PCDHGB6: variants seen among roughly 807,000 people sequenced by gnomAD.
PCDHGB6 encodes protocadherin gamma-B6.
A neutral mutation model predicts 59.1 loss-of-function variants in PCDHGB6; 51 were observed. The ratio of observed to expected loss-of-function variants is 0.86; its 90% CI spans 0.69 to 1.09. The LOEUF is 1.09. PCDHGB6 is among the 50% of genes least tolerant of loss of function. PCDHGB6 has a pLI of 0.00. For synonymous variants in PCDHGB6, 466 were observed against 495.1 expected, an observed-to-expected ratio of 0.94 and a Z score of 0.78; for missense variants, 1,148 against 1,205.1, an observed-to-expected ratio of 0.95 and a Z score of 0.70.
intron 1 of PCDHGB6, among the ~76,000 whole-genome samples, chr5:141,460,758 C>T (rs1292050905): frequency 6.6e-6 from 1 of 150,582 alleles, no homozygotes; most frequent in African/African-American, 2.4e-5. Context: ...TGTACATATA[C>T]ATATTGCATA....
chr5:141,420,477 A>T (rs1469261817), intron 1 of PCDHGB6: 3 of 626,262 alleles, frequency 4.8e-6, no homozygotes, highest in Non-Finnish European at 7.0e-6. Flanking sequence ...TTTAAAGCAA[A>T]CTACATGGGT....
chr5:141,419,746 G>A (rs1561783927), intron 1 of PCDHGB6: 2 of 1,613,896 alleles, frequency 1.2e-6, no homozygotes, highest in Admixed American at 1.7e-5. Context: ...TGCGCATGGT[G>A]CGTGCTTTGG....
chr5:141,410,266 G>A lies in PCDHGB6; in HGVS notation c.2064G>A (p.Leu688=). 1 of 1,614,036 alleles carries A rather than the reference G, an allele frequency of 6.2e-7. No homozygotes were observed. The highest frequency in any genetic ancestry group is 1.1e-5 in the South Asian group (1 of 91,088). ...RPVLSDPQAE[L]QFYLVVALAL... is the part of the protein sequence containing the mutation. ...TACTCTCTGACCCCCAGGCTGAACT[G>A]CAGTTTTACCTGGTGGTGGCCTTGG... is the stretch of plus-strand genomic sequence containing the variant. The change falls in exon 1 of 4, where the codon CTG becomes CTA. Residue 688 remains leucine (L), a synonymous_variant. Transcript: ENST00000520790.
In PCDHGB6 at chr5:141,427,233, G is replaced by A. The variant is rs147039909; in HGVS notation, c.2418+16613G>A. On this transcript the variant is annotated intron_variant, in intron 1 of 3. Transcript: ENST00000520790. Reference sequence around the variant, plus strand: ...ATTTCGTAGCAGTTATACCATGAGAGTAGAAGCTAAGGATGGTGGAGGCAT... The same window carrying A: ...ATTTCGTAGCAGTTATACCATGAGAATAGAAGCTAAGGATGGTGGAGGCAT... 180 of 456,756 alleles carry A rather than the reference G, an allele frequency of 3.9e-4. 1 individual carries two copies. The highest frequency in any genetic ancestry group is 3.5e-3 in the African/African-American group (176 of 50,196). The allele number at this position is 456,756 out of a possible 1,614,324, so 28.3% of individuals were successfully genotyped here.
Position 141,476,165 on chromosome 5 carries a change from G to A in PCDHGB6, c.2419-18642G>A. ...CGGACTGGTAAGCACCGGGAGGGTA[G>A]TGGGAGTTTTGCTTCTGCTTGGTGC... On this transcript the variant is annotated intron_variant, in intron 1 of 3. Coordinates refer to ENST00000520790, the MANE Select transcript of PCDHGB6 (RefSeq NM_018926.3). This position sits in a 1 kb window ranked among gnomAD's most constrained non-coding sequence, Gnocchi z 7.6. 1 of 1,613,228 alleles carries A rather than the reference G, an allele frequency of 6.2e-7. No homozygotes were observed.
Position 141,498,864 on chromosome 5 carries a change from C to T in PCDHGB6, c.2477+3999C>T, listed in dbSNP as rs1370263013. Among the ~76,000 whole-genome samples the T allele has an allele frequency of 2.7e-5, 4 of 149,532 alleles. No homozygotes were observed. The East Asian group carries it at 5.9e-4, about 22-fold the overall frequency. ...AGGGGAATCGCTTGAACCCAGGAGG[C>T]GGAGGTTGCAGTGAGCTGAGATCAC... On this transcript the variant is annotated intron_variant, in intron 2 of 3. Coordinates refer to ENST00000520790, the MANE Select transcript of PCDHGB6 (RefSeq NM_018926.3).
chr5:141,505,596 T>G (rs2099846990), intron 3 of PCDHGB6, 115 bp downstream of exon 3: 1 of 1,562,168 alleles, frequency 6.4e-7, no homozygotes, highest in African/African-American at 1.4e-5. Context: ...CTCCAGATCT[T>G]TCGGCAGGTC....
chr5:141,506,584 G>A (rs1413313164), intron 3 of PCDHGB6, among the ~76,000 whole-genome samples: 1 of 152,098 alleles, frequency 6.6e-6, no homozygotes, highest in African/African-American at 2.4e-5. Context: ...ACTATTAATG[G>A]GCACAGTATT....
At chr5:141,462,547 T>G (rs534942187) in intron 1 of PCDHGB6, among the ~76,000 whole-genome samples, 1 of 152,330 alleles carries the variant, frequency 6.6e-6, no homozygotes, top group African/African-American at 2.4e-5. Flanking sequence ...TCTTTTCTTC[T>G]TCAGTGTTTA....
rs1000330093 is a variant in PCDHGB6 at position 141,511,812 on chromosome 5, C to T, written c.*639C>T. 2.5e-5 allele frequency: 4 copies of T among 157,260 alleles called. No individual in the cohort carries two copies. Among genetic ancestry groups the T allele is most frequent in the African/African-American group, 9.6e-5 (4 of 41,492 alleles). The allele number at this position is 157,260 out of a possible 1,614,324, so 9.7% of individuals were successfully genotyped here. The stretch of plus-strand genomic sequence containing the variant: ...TAGGGAGGGCATTTTGCTACCAAGC[C>T]TCTTCCCAACGCCCTGGGGACCAGT... On this transcript the variant is annotated 3_prime_UTR_variant, in exon 4 of 4. Transcript: ENST00000520790.
intron 1 of PCDHGB6, among the ~76,000 whole-genome samples, chr5:141,481,153 A>G (rs1376488411): frequency 2.0e-5 from 3 of 152,224 alleles, no homozygotes; most frequent in Non-Finnish European, 4.4e-5. Context: ...TTATTCTGGT[A>G]TTTGCAGAAC....
chr5:141,505,053 T>C (rs904041070), intron 2 of PCDHGB6, among the ~76,000 whole-genome samples: 2 of 152,108 alleles, frequency 1.3e-5, no homozygotes, highest in African/African-American at 4.8e-5. Context: ...TCCCAGCTAC[T>C]TGGGAGACTG....
Position 141,487,082 on chromosome 5 carries a change from G to A in PCDHGB6, c.2419-7725G>A, listed in dbSNP as rs2099639361. On this transcript the variant is annotated intron_variant, in intron 1 of 3. Transcript: ENST00000520790. The surrounding 1 kb of genome is among the most constrained non-coding windows in gnomAD (Gnocchi z 5.0). Reference sequence around the variant, plus strand: ...GCGGACGGCTGTTCCTATCCCAGCTGACCTCCCACCACAGAAGCTGGTCAT... The same window carrying A: ...GCGGACGGCTGTTCCTATCCCAGCTAACCTCCCACCACAGAAGCTGGTCAT... The A allele has an allele frequency of 8.1e-6, 13 of 1,614,056 alleles. No individual in the cohort carries two copies. The highest frequency in any genetic ancestry group is 1.1e-5 in the Non-Finnish European group (13 of 1,179,938).
chr5:141,490,640 G>C lies in PCDHGB6; in HGVS notation c.2419-4167G>C, dbSNP rs774630488. 1 of 1,614,122 alleles carries C rather than the reference G, an allele frequency of 6.2e-7. No individual in the cohort carries two copies. The highest frequency in any genetic ancestry group is 8.5e-7 in the Non-Finnish European group (1 of 1,180,012). On this transcript the variant is annotated intron_variant, in intron 1 of 3. Coordinates refer to ENST00000520790, the MANE Select transcript of PCDHGB6 (RefSeq NM_018926.3). This position sits in a 1 kb window ranked among gnomAD's most constrained non-coding sequence, Gnocchi z 5.4. The stretch of plus-strand genomic sequence containing the variant: ...TACACTGCTTACATCCTAGAAAACC[G>C]GCCTCCGGGCTCCCTTCTTTGCACT...
At chr5:141,426,096 T>C (rs1296875718) in intron 1 of PCDHGB6, among the ~76,000 whole-genome samples, 6 of 152,230 alleles carry the variant, frequency 3.9e-5, no homozygotes, top group Non-Finnish European at 8.8e-5. Flanking sequence ...GATATTCTGT[T>C]CAGTCACAGA....
chr5:141,415,765 T>G (rs1386091482), intron 1 of PCDHGB6: 1 of 1,364,078 alleles, frequency 7.3e-7, no homozygotes, highest in South Asian at 1.7e-5. Flanking sequence ...TTTTTTTTTT[T>G]TTTTTTTACT....
At position 141,491,645 on chromosome 5, in the gene PCDHGB6, C is replaced by T; in HGVS notation, c.2419-3162C>T. On this transcript the variant is annotated intron_variant, in intron 1 of 3. Transcript: ENST00000520790. The surrounding 1 kb of genome is among the most constrained non-coding windows in gnomAD (Gnocchi z 6.9). ...AGCGTTCAGCAGCCCACAGCTCTGG[C>T]GCTGGAGCCTGACGCCATCCGGTCC... 1.2e-6 allele frequency: 2 copies of T among 1,613,890 alleles called. No homozygotes were observed. Among genetic ancestry groups the T allele is most frequent in the African/African-American group, 1.3e-5 (1 of 75,082 alleles).
chr5:141,439,652 T>G (rs1047430832), intron 1 of PCDHGB6, among the ~76,000 whole-genome samples: 1 of 152,208 alleles, frequency 6.6e-6, no homozygotes, highest in African/African-American at 2.4e-5. Context: ...GTGGCTTTTC[T>G]AATTTCATGG....
At chr5:141,471,708 T>G (rs1359785951) in intron 1 of PCDHGB6, among the ~76,000 whole-genome samples, 1 of 152,138 alleles carries the variant, frequency 6.6e-6, no homozygotes, top group Non-Finnish European at 1.5e-5. Context: ...GGAATAGAAG[T>G]GCCACTTACC....
Sources: gnomAD v4.1 joint callset for allele counts (sites outside exome capture counted in the v4.1 genomes callset) on GRCh38, gnomAD v4.1.1 for gene constraint, Gnocchi (gnomAD v3.1) non-coding constraint, MANE v1.5 for transcripts, NCBI Gene and HGNC (gene_info 2026-07-23, HGNC 2026-07-21) for gene names.